CSMD1: variants seen among roughly 807,000 people sequenced by gnomAD.
The protein encoded by CSMD1 is CUB and sushi domain-containing protein 1.
In CSMD1, 213 loss-of-function variants were observed where a neutral mutation model predicts 417.5. The observed-to-expected ratio is 0.51, with a 90% CI of 0.46 to 0.57. CSMD1 has a LOEUF of 0.57. Among genes scored for constraint, CSMD1 ranks in the 20% least tolerant of loss-of-function variants. CSMD1 has a pLI of 0.00. For missense variants in CSMD1, 6,923 were observed against 4,529.7 expected, an observed-to-expected ratio of 1.53 and a Z score of -15.17; for synonymous variants, 2,862 against 1,736.8, an observed-to-expected ratio of 1.65 and a Z score of -16.11.
chr8:3,643,939 T>G, intron 7 of CSMD1, among the ~76,000 whole-genome samples: 1 of 152,164 alleles, frequency 6.6e-6, no homozygotes, highest in South Asian at 2.1e-4. Flanking sequence ...GTGTATTTAG[T>G]TGGATGAAAT....
intron 5 of CSMD1, among the ~76,000 whole-genome samples, chr8:3,982,367 T>C (rs1813949637): frequency 4.0e-5 from 6 of 151,790 alleles, no homozygotes; most frequent in Admixed American, 2.0e-4. Flanking sequence ...ATAATCCTTG[T>C]ACAAACCTCC....
intron 1 of CSMD1, among the ~76,000 whole-genome samples, chr8:4,674,098 T>C (rs990238631): frequency 1.3e-5 from 2 of 152,226 alleles, no homozygotes; most frequent in East Asian, 1.9e-4. Context: ...ATTCTCTTTA[T>C]ATAAACCAGA....
intron 5 of CSMD1, among the ~76,000 whole-genome samples, chr8:3,937,902 G>A (rs1433975054): frequency 1.3e-5 from 2 of 152,160 alleles, no homozygotes; most frequent in Non-Finnish European, 2.9e-5. Context: ...ATGATTTAAA[G>A]AGTTATAAAA....
intron 2 of CSMD1, among the ~76,000 whole-genome samples, chr8:4,460,437 A>T (rs1799743766): frequency 6.6e-6 from 1 of 152,170 alleles, no homozygotes; most frequent in Non-Finnish European, 1.5e-5. Flanking sequence ...GAAAAAGTAC[A>T]AGCTAAACTT....
chr8:4,700,923 A>C (rs983755415), intron 1 of CSMD1, among the ~76,000 whole-genome samples: 1 of 152,212 alleles, frequency 6.6e-6, no homozygotes, highest in South Asian at 2.1e-4. Context: ...AGAGGAGCAG[A>C]GAACACTGTG....
chr8:4,340,358 C>A (rs894432609), intron 3 of CSMD1, among the ~76,000 whole-genome samples: 4 of 151,930 alleles, frequency 2.6e-5, no homozygotes. Context: ...GCTGCTACAC[C>A]CTAGTTAAAA....
chr8:4,368,317 T>C (rs889113590), intron 3 of CSMD1, among the ~76,000 whole-genome samples: 1 of 152,164 alleles, frequency 6.6e-6, no homozygotes, highest in South Asian at 2.1e-4. Context: ...TAAACCAACT[T>C]TAGATCACAG....
At chr8:4,346,946 G>T (rs751253363) in intron 3 of CSMD1, among the ~76,000 whole-genome samples, 12 of 152,138 alleles carry the variant, frequency 7.9e-5, no homozygotes, top group African/African-American at 2.9e-4. Flanking sequence ...AGTGAGTTTA[G>T]TTAGGTAACA....
intron 2 of CSMD1, among the ~76,000 whole-genome samples, chr8:4,583,984 G>A (rs1304825090): frequency 6.6e-6 from 1 of 151,888 alleles, no homozygotes; most frequent in Non-Finnish European, 1.5e-5. Context: ...GAGACCACAA[G>A]CCCACCGGGA....
intron 3 of CSMD1, among the ~76,000 whole-genome samples, chr8:4,100,464 G>A (rs1368082115): frequency 6.6e-6 from 1 of 152,110 alleles, no homozygotes; most frequent in Non-Finnish European, 1.5e-5. Flanking sequence ...ATCTCCAAAT[G>A]TTGCTTAACT....
chr8:4,412,507 C>G (rs774718241), intron 3 of CSMD1, among the ~76,000 whole-genome samples: 12 of 152,220 alleles, frequency 7.9e-5, no homozygotes, highest in Non-Finnish European at 1.6e-4. Flanking sequence ...GAACTGTGAA[C>G]CAATTACACC....
intron 5 of CSMD1, among the ~76,000 whole-genome samples, chr8:3,835,995 T>G (rs114417261): frequency 0.01 from 1,561 of 152,236 alleles, 27 homozygotes; most frequent in African/African-American, 0.036. Flanking sequence ...TTCTATAAGA[T>G]TCTATCATTT....
rs375353129 is a variant in CSMD1 at position 2,963,271 on chromosome 8, G to C, written c.9405C>G (p.Leu3135=). The part of the protein sequence containing the change: ...DGYQLSHSAI[L]SCEGRGVWKG... ...TCCACACCCCGCGACCTTCACAGGA[G>C]AGGATGGCGGAGTGAGAGAGCTGGT... The change falls in exon 60 of 70, where the codon CTC becomes CTG. Residue 3135 remains leucine, a synonymous_variant. Transcript: ENST00000635120. 3 of 1,613,860 alleles carry C rather than the reference G, an allele frequency of 1.9e-6. No individual in the cohort carries two copies. Among genetic ancestry groups the C allele is most frequent in the Admixed American group, 1.7e-5 (1 of 60,006 alleles).
chr8:4,425,642 T>G (rs1018327513), intron 2 of CSMD1, among the ~76,000 whole-genome samples: 3 of 151,898 alleles, frequency 2.0e-5, no homozygotes, highest in Non-Finnish European at 4.4e-5. Flanking sequence ...ATACATTTTA[T>G]TCTTGTCTGC....
rs994584754 is a variant in CSMD1 at position 4,048,119 on chromosome 8, T to TA, written c.416-16021dup. 4.5e-4 allele frequency among the ~76,000 whole-genome samples: 68 copies of TA among 152,292 alleles called. 1 individual carries two copies. Among genetic ancestry groups the TA allele is most frequent in the African/African-American group, 1.6e-3 (65 of 41,582 alleles). On this transcript the variant is annotated intron_variant, in intron 3 of 69. Transcript: ENST00000635120. ...CTCAGGGTAGACCCCGACTGATTTC[T>TA]AAACATACTTGCCTAAGGTGAAAAG...
intron 2 of CSMD1, among the ~76,000 whole-genome samples, chr8:4,471,753 A>G (rs1052575623): frequency 2.0e-5 from 3 of 152,018 alleles, no homozygotes; most frequent in African/African-American, 7.2e-5. Context: ...AGTTAGACCC[A>G]TTTCTTTAGC....
At chr8:2,973,830 T>C (rs1161887006) in intron 56 of CSMD1, among the ~76,000 whole-genome samples, 1 of 151,466 alleles carries the variant, frequency 6.6e-6, no homozygotes, top group Non-Finnish European at 1.5e-5. Flanking sequence ...TAGAGGATGA[T>C]GGTAGAGGAT....
intron 2 of CSMD1, among the ~76,000 whole-genome samples, chr8:4,546,250 C>T (rs1165590768): frequency 6.6e-6 from 1 of 152,220 alleles, no homozygotes; most frequent in Non-Finnish European, 1.5e-5. Context: ...CACTTCTTTC[C>T]CTCTGGAGGG....
chr8:4,373,961 G>C (rs567828599), intron 3 of CSMD1, among the ~76,000 whole-genome samples: 3 of 152,270 alleles, frequency 2.0e-5, no homozygotes, highest in African/African-American at 7.2e-5. Context: ...CTACTGAGTA[G>C]ACTTGATATA....
Sources: gnomAD v4.1 joint callset for allele counts (sites outside exome capture counted in the v4.1 genomes callset) on GRCh38, gnomAD v4.1.1 for gene constraint, MANE v1.5 for transcripts, NCBI Gene and HGNC (gene_info 2026-07-23, HGNC 2026-07-21) for gene names.